Variants in CNTN1 observed in about 807,000 individuals in gnomAD.
CNTN1 encodes the protein contactin-1.
A neutral mutation model predicts 126.4 loss-of-function variants in CNTN1; 38 were observed. The ratio of observed to expected loss-of-function variants is 0.30; its 90% CI spans 0.23 to 0.39. The LOEUF is 0.39. Among genes scored for constraint, CNTN1 ranks in the 10% least tolerant of loss-of-function variants. The pLI is 1.00. For missense variants in CNTN1, 1,009 were observed against 1,248.4 expected, an observed-to-expected ratio of 0.81 and a Z score of 2.89; for synonymous variants, 413 against 422.6, an observed-to-expected ratio of 0.98 and a Z score of 0.28.
At chr12:40,704,998 A>G (rs2121131316) in intron 1 of CNTN1, among the ~76,000 whole-genome samples, 1 of 152,268 alleles carries the variant, frequency 6.6e-6, no homozygotes, top group Non-Finnish European at 1.5e-5. Flanking sequence ...CTATTTTCTG[A>G]TACTCTGATA....
At chr12:40,984,866 A>AAT in intron 16 of CNTN1, among the ~76,000 whole-genome samples, 2 of 152,284 alleles carry the variant, frequency 1.3e-5, no homozygotes, top group South Asian at 4.1e-4. Context: ...CATATGTGTG[A>AAT]ATATATATAC....
intron 2 of CNTN1, 35 bp downstream of exon 2, chr12:40,908,528 A>G: frequency 2.1e-6 from 3 of 1,424,716 alleles, no homozygotes; most frequent in Non-Finnish European, 3.0e-6. Context: ...TACATATATT[A>G]TGTCAACATA....
chr12:40,916,578 A>G (rs1178104309), intron 3 of CNTN1, among the ~76,000 whole-genome samples: 1 of 152,064 alleles, frequency 6.6e-6, no homozygotes, highest in East Asian at 1.9e-4. Flanking sequence ...CTTCAGTAAA[A>G]GTATTAGAAG....
rs117142146 is a variant in CNTN1 at position 40,702,716 on chromosome 12, A to G, written c.-77+10124A>G. On this transcript the variant is annotated intron_variant, in intron 1 of 23. Transcript: ENST00000551295. ...CTCCCAAAGTGCTGGAATTGCAGGC[A>G]TGAGACACTGTGCCTGGCCCAGAAT... Among the ~76,000 whole-genome samples, 262 of 152,298 alleles carry G rather than the reference A, an allele frequency of 1.7e-3. 2 individuals carry two copies. The East Asian group carries it at 0.021, about 12-fold the overall frequency.
intron 1 of CNTN1, among the ~76,000 whole-genome samples, chr12:40,695,981 A>G (rs1272709706): frequency 1.3e-5 from 2 of 152,186 alleles, no homozygotes; most frequent in Non-Finnish European, 2.9e-5. Flanking sequence ...AGGTGTTAAT[A>G]TTTATGTATC....
intron 17 of CNTN1, among the ~76,000 whole-genome samples, chr12:40,995,187 A>T (rs575283437): frequency 1.3e-5 from 2 of 152,290 alleles, no homozygotes; most frequent in South Asian, 2.1e-4. Flanking sequence ...GAGATAGTTT[A>T]CTTATAGCAG....
intron 1 of CNTN1, among the ~76,000 whole-genome samples, chr12:40,898,777 CA>C (rs1300657278): frequency 6.6e-6 from 1 of 152,216 alleles, no homozygotes; most frequent in Non-Finnish European, 1.5e-5. Flanking sequence ...ATTCTCCCTT[CA>C]GGGGTGGTCT....
intron 1 of CNTN1, among the ~76,000 whole-genome samples, chr12:40,839,641 T>C (rs759833383): frequency 6.6e-6 from 1 of 152,044 alleles, no homozygotes; most frequent in Non-Finnish European, 1.5e-5. Context: ...GCTGAAAAAA[T>C]GTCAGTCAAA....
intron 1 of CNTN1, among the ~76,000 whole-genome samples, chr12:40,762,846 G>A (rs1310063763): frequency 6.6e-6 from 1 of 152,180 alleles, no homozygotes. Flanking sequence ...ATTAAAAAGT[G>A]AAATGGGTGC....
At chr12:40,704,640 G>T (rs554239054) in intron 1 of CNTN1, among the ~76,000 whole-genome samples, 1 of 152,052 alleles carries the variant, frequency 6.6e-6, no homozygotes, top group Non-Finnish European at 1.5e-5. Flanking sequence ...TTATAAACAC[G>T]TATGGTTTCC....
At chr12:40,984,138 A>G (rs1005821390) in intron 16 of CNTN1, among the ~76,000 whole-genome samples, 7 of 151,352 alleles carry the variant, frequency 4.6e-5, no homozygotes, top group African/African-American at 9.7e-5. Flanking sequence ...TTACATCTCT[A>G]TATGTCACAA....
chr12:40,968,781 G>C (rs368680459), intron 15 of CNTN1, among the ~76,000 whole-genome samples: 1 of 152,092 alleles, frequency 6.6e-6, no homozygotes, highest in East Asian at 1.9e-4. Context: ...CCAGAATGTG[G>C]CCAGATACTA....
chr12:40,803,371 A>G (rs1353061150), intron 1 of CNTN1, among the ~76,000 whole-genome samples: 1 of 151,970 alleles, frequency 6.6e-6, no homozygotes, highest in Non-Finnish European at 1.5e-5. Flanking sequence ...CTTTTTGAAG[A>G]GCATCAGTGA....
intron 1 of CNTN1, among the ~76,000 whole-genome samples, chr12:40,897,053 G>T (rs1944437395): frequency 6.6e-6 from 1 of 152,154 alleles, no homozygotes; most frequent in Non-Finnish European, 1.5e-5. Context: ...TAACTACTAA[G>T]CTAAATGTTT....
chr12:40,718,998 G>A (rs1942121300), intron 1 of CNTN1, among the ~76,000 whole-genome samples: 1 of 151,966 alleles, frequency 6.6e-6, no homozygotes, highest in African/African-American at 2.4e-5. Context: ...ATGTTTGGAG[G>A]GGTTGATTTT....
At chr12:40,795,859 G>A (rs1044240961) in intron 1 of CNTN1, among the ~76,000 whole-genome samples, 1 of 152,066 alleles carries the variant, frequency 6.6e-6, no homozygotes, top group Non-Finnish European at 1.5e-5. Context: ...AATGTGCTAA[G>A]TGTTTTTTAA....
chr12:40,970,042 G>T (rs7137717), intron 15 of CNTN1, among the ~76,000 whole-genome samples: 17,810 of 151,864 alleles, frequency 0.12, 1,092 homozygotes, highest in Non-Finnish European at 0.12. Context: ...ACATTCCTGA[G>T]AATTTCTCGA....
chr12:40,747,198 A>G (rs1253018161), intron 1 of CNTN1, among the ~76,000 whole-genome samples: 1 of 152,044 alleles, frequency 6.6e-6, no homozygotes, highest in Non-Finnish European at 1.5e-5. Flanking sequence ...CACTGGGTGC[A>G]TAGTTTACAA....
chr12:40,799,938 G>A (rs929368263), intron 1 of CNTN1, among the ~76,000 whole-genome samples: 1 of 151,906 alleles, frequency 6.6e-6, no homozygotes, highest in Non-Finnish European at 1.5e-5. Context: ...ATAACTAAGC[G>A]TACAATATGA....
Sources: allele counts gnomAD v4.1 joint callset (sites outside exome capture counted in the v4.1 genomes callset), GRCh38; gene constraint gnomAD v4.1.1; transcripts MANE v1.5; gene names NCBI Gene and HGNC (gene_info 2026-07-23, HGNC 2026-07-21).